GDAP1L1: variants seen among roughly 807,000 people sequenced by gnomAD.
The protein encoded by GDAP1L1 is ganglioside-induced differentiation-associated protein 1-like 1.
GDAP1L1 carries 21 observed loss-of-function variants against 37.1 expected under a neutral mutation model. The ratio of observed to expected loss-of-function variants is 0.57; its 90% CI spans 0.40 to 0.81. The LOEUF is 0.81. Ranked by LOEUF, GDAP1L1 falls within the 40% of genes least tolerant of loss-of-function variation. The probability of loss-of-function intolerance (pLI) is 0.00; values close to 1 mark genes in which losing one functional copy is unlikely to be tolerated. For missense variants in GDAP1L1, 362 were observed against 491.6 expected (o/e 0.74, Z 2.49); for synonymous variants, 193 against 209.1 (o/e 0.92, Z 0.67).
In GDAP1L1 at chr20:44,280,325, G is replaced by C. The variant is rs3810511; in HGVS notation, c.*1025G>C. 25,812 of 154,444 alleles carry C rather than the reference G, an allele frequency of 0.17. 2,310 individuals carry two copies. Among genetic ancestry groups the C allele is most frequent in the Middle Eastern group, 0.28 (82 of 294 alleles). 9.6% of individuals were successfully genotyped at this position (154,444 alleles called of 1,614,324 possible). ...GGGAAAGGGTCTTGGTGTCACTGCC[G>C]CTCATGCATAGAAACCACCAAAAGC... On this transcript the variant is annotated 3_prime_UTR_variant, in exon 6 of 6. Transcript: ENST00000342560.
At chr20:44,252,314 C>A (rs1465310007) in intron 1 of GDAP1L1, among the ~76,000 whole-genome samples, 1 of 152,176 alleles carries the variant, frequency 6.6e-6, no homozygotes, top group East Asian at 1.9e-4. Context: ...GAGTTTGAGA[C>A]CAGTCTGGCC....
chr20:44,271,177 T>C (rs2062511923), intron 5 of GDAP1L1, among the ~76,000 whole-genome samples: 1 of 152,118 alleles, frequency 6.6e-6, no homozygotes, highest in South Asian at 2.1e-4. Flanking sequence ...GGCAGGAGGA[T>C]TGCTTGAGCC....
At chr20:44,257,401 C>T in intron 2 of GDAP1L1, 56 bp downstream of exon 2, 1 of 1,510,376 alleles carries the variant, frequency 6.6e-7, no homozygotes, top group Non-Finnish European at 9.1e-7. Flanking sequence ...CTCAGGGGTC[C>T]CCACAGGCTC....
At chr20:44,250,386 G>A (rs1389232544) in intron 1 of GDAP1L1, among the ~76,000 whole-genome samples, 1 of 152,218 alleles carries the variant, frequency 6.6e-6, no homozygotes, top group African/African-American at 2.4e-5. Context: ...CAGGGTCGTT[G>A]TAAGGATTCA....
intron 1 of GDAP1L1, among the ~76,000 whole-genome samples, chr20:44,251,462 G>C (rs1211542080): frequency 1.3e-5 from 2 of 152,188 alleles, no homozygotes; most frequent in Non-Finnish European, 2.9e-5. Flanking sequence ...AGACACCCAG[G>C]CATGGCAGGA....
intron 5 of GDAP1L1, chr20:44,265,586 G>A (rs2073749397): frequency 4.4e-6 from 3 of 688,440 alleles, no homozygotes; most frequent in Non-Finnish European, 5.4e-6. Context: ...CCTTGGACAA[G>A]TTGCTTTCCC....
At chr20:44,258,173 G>T (rs1458269623) in intron 2 of GDAP1L1, 5 of 717,532 alleles carry the variant, frequency 7.0e-6, no homozygotes, top group Non-Finnish European at 1.3e-5. Context: ...CTTGAATCCC[G>T]CAACACTGGG....
In GDAP1L1 at chr20:44,279,523, G is replaced by A. The variant is rs918981219; in HGVS notation, c.*223G>A. On this transcript the variant is annotated 3_prime_UTR_variant, in exon 6 of 6. Transcript: ENST00000342560. ...CTCTACTAAAAGAGAGAGAGGAAGC[G>A]AGAGAGAGAGAGAAAAAACAAAAAA... The A allele has an allele frequency of 4.0e-5, 22 of 553,128 alleles. No homozygotes were observed. Among genetic ancestry groups the A allele is most frequent in the African/African-American group, 1.7e-4 (9 of 53,180 alleles). 34.3% of individuals were successfully genotyped at this position (553,128 alleles called of 1,614,324 possible). A position where few individuals can be genotyped will look rare whatever the true frequency, so the allele number is the denominator to read the frequency against.
rs2062618975 is a variant in GDAP1L1, at chr20:44,279,441, G to C, written c.*141G>C. 2.8e-6 allele frequency: 2 copies of C among 714,666 alleles called. No homozygotes were observed. The highest frequency in any genetic ancestry group is 5.1e-6 in the Non-Finnish European group (2 of 388,932). 44.3% of individuals were successfully genotyped at this position (714,666 alleles called of 1,614,324 possible). On this transcript the variant is annotated 3_prime_UTR_variant, in exon 6 of 6. Coordinates refer to ENST00000342560, the MANE Select transcript of GDAP1L1 (RefSeq NM_024034.6). ...TTCTGAGTAATAATACCGTCAGTGT[G>C]AAAACATTCCGTAGTTTAGAAGTAG...
At chr20:44,272,319 G>C (rs764285388) in intron 5 of GDAP1L1, among the ~76,000 whole-genome samples, 1 of 152,218 alleles carries the variant, frequency 6.6e-6, no homozygotes, top group East Asian at 1.9e-4. Context: ...CAGCATTGAG[G>C]TGGGGAGTGT....
At chr20:44,250,663 A>G (rs2073422542) in intron 1 of GDAP1L1, among the ~76,000 whole-genome samples, 1 of 152,162 alleles carries the variant, frequency 6.6e-6, no homozygotes, top group Non-Finnish European at 1.5e-5. Flanking sequence ...GCCTTAAACA[A>G]TTGCCTGTTA....
At chr20:44,275,995 T>C (rs1161611481) in intron 5 of GDAP1L1, among the ~76,000 whole-genome samples, 1 of 152,032 alleles carries the variant, frequency 6.6e-6, no homozygotes, top group Non-Finnish European at 1.5e-5. Flanking sequence ...TTAACCCCTT[T>C]ATAATATGTG....
chr20:44,271,747 G>A (rs1359166498), intron 5 of GDAP1L1, among the ~76,000 whole-genome samples: 1 of 152,168 alleles, frequency 6.6e-6, no homozygotes, highest in African/African-American at 2.4e-5. Flanking sequence ...GGGAATCGGG[G>A]GTTCAGGACA....
chr20:44,257,015 C>T (rs1420785864), intron 1 of GDAP1L1, 138 bp from the exon 2 acceptor site: 1 of 905,780 alleles, frequency 1.1e-6, no homozygotes, highest in Non-Finnish European at 1.6e-6. Flanking sequence ...AACCCAGGTG[C>T]CCAAGAATGG....
intron 3 of GDAP1L1, 84 bp from the exon 4 acceptor site, chr20:44,263,146 G>A (rs1234425486): frequency 2.0e-6 from 2 of 980,930 alleles, no homozygotes; most frequent in African/African-American, 3.2e-5. Flanking sequence ...GTTTGGATGG[G>A]GCCTACTTCA....
Position 44,279,347 on chromosome 20 carries a change from T to G in GDAP1L1, c.*47T>G. The G allele has an allele frequency of 8.0e-7, 1 of 1,255,248 alleles. No homozygotes were observed. The allele number at this position is 1,255,248 out of a possible 1,614,324, so 77.8% of individuals were successfully genotyped here. ...TCTGACTGTCGGTGTCTCTGTGCTG[T>G]GTGATTCCCCGTGAGCTCTCAGTAA... On this transcript the variant is annotated 3_prime_UTR_variant, in exon 6 of 6. Coordinates refer to ENST00000342560, the MANE Select transcript of GDAP1L1 (RefSeq NM_024034.6).
At chr20:44,258,187 A>T (rs766723981) in intron 2 of GDAP1L1, 3 of 717,572 alleles carry the variant, frequency 4.2e-6, no homozygotes, top group African/African-American at 1.7e-5. Context: ...CACTGGGTCT[A>T]GGACCCCGCC....
At chr20:44,277,256 G>A (rs1176711043) in intron 5 of GDAP1L1, among the ~76,000 whole-genome samples, 1 of 152,054 alleles carries the variant, frequency 6.6e-6, no homozygotes, top group Non-Finnish European at 1.5e-5. Context: ...CGTGAGCCAC[G>A]GCGCCCAGCC....
intron 3 of GDAP1L1, among the ~76,000 whole-genome samples, chr20:44,262,450 G>T (rs908713881): frequency 6.6e-6 from 1 of 152,004 alleles, no homozygotes; most frequent in Admixed American, 6.6e-5. Flanking sequence ...AATTTGGGAA[G>T]AATGCAGGGG....
Sources: allele counts gnomAD v4.1 joint callset (sites outside exome capture counted in the v4.1 genomes callset), GRCh38; gene constraint gnomAD v4.1.1; transcripts MANE v1.5; gene names NCBI Gene and HGNC (gene_info 2026-07-23, HGNC 2026-07-21).